BCO2: variants seen among roughly 807,000 people sequenced by gnomAD.
BCO2 encodes beta-carotene oxygenase 2.
Under a neutral mutation model 65.8 loss-of-function variants are expected in BCO2, and 56 were observed. The ratio of observed to expected loss-of-function variants is 0.85; its 90% CI spans 0.69 to 1.06. The LOEUF (loss-of-function observed/expected upper bound fraction) is 1.06. Ranked by LOEUF, BCO2 falls within the 50% of genes least tolerant of loss-of-function variation. BCO2 has a pLI of 0.00. For synonymous variants in BCO2, 233 were observed against 242.3 expected (o/e 0.96, Z 0.36); for missense variants, 675 against 698.5 (o/e 0.97, Z 0.38).
chr11:112,202,291 T>C (rs1592855879), intron 8 of BCO2, 101 bp downstream of exon 8: 5 of 1,116,988 alleles, frequency 4.5e-6, no homozygotes, highest in South Asian at 1.7e-5. Context: ...CTCTCTCTCT[T>C]TTTTCTTTTG....
rs572974875 is a variant in BCO2, at chr11:112,178,724, A to C, written c.89-554A>C. Among the ~76,000 whole-genome samples the C allele has an allele frequency of 2.6e-5, 4 of 152,360 alleles. No homozygotes were observed. In the South Asian group the frequency reaches 6.2e-4, roughly 24 times the overall value. ...TTAATTTTTGACACCCTTCTACTGG[A>C]AAATGCCTTGTATTTTCATGTATAT... On this transcript the variant is annotated intron_variant, in intron 1 of 11. Coordinates refer to ENST00000357685, the MANE Select transcript of BCO2 (RefSeq NM_031938.7).
intron 8 of BCO2, among the ~76,000 whole-genome samples, chr11:112,206,809 A>G (rs1453896943): frequency 6.6e-6 from 1 of 152,232 alleles, no homozygotes; most frequent in Non-Finnish European, 1.5e-5. Flanking sequence ...GACAATTGAC[A>G]TCTTTACAAT....
chr11:112,211,512 C>A (rs1859511657), intron 8 of BCO2, among the ~76,000 whole-genome samples: 1 of 151,956 alleles, frequency 6.6e-6, no homozygotes, highest in Admixed American at 6.6e-5. Context: ...TCATGTAATT[C>A]TGTGTTTAAC....
rs763054926 is a variant in BCO2, at chr11:112,217,740, A to G, written c.1627-21A>G. Reference sequence around the variant, plus strand: ...TTTGATGAAAAAAAGATAATTTTCAATATTGTCTTTTCTTTTCTAGAATGA... The same window carrying G: ...TTTGATGAAAAAAAGATAATTTTCAGTATTGTCTTTTCTTTTCTAGAATGA... On this transcript the variant is annotated intron_variant, in intron 11 of 11. Coordinates refer to ENST00000357685, the MANE Select transcript of BCO2 (RefSeq NM_031938.7). 5.8e-6 allele frequency: 9 copies of G among 1,550,170 alleles called. No homozygotes were observed. The South Asian group carries it at 1.0e-4, about 17-fold the overall frequency.
intron 8 of BCO2, among the ~76,000 whole-genome samples, chr11:112,207,879 A>G (rs1859390247): frequency 7.0e-6 from 1 of 143,002 alleles, no homozygotes; most frequent in Admixed American, 7.0e-5. Context: ...TGTTAGATTT[A>G]TTCCTAGGTT....
intron 2 of BCO2, among the ~76,000 whole-genome samples, chr11:112,182,418 A>G (rs2135349986): frequency 6.6e-6 from 1 of 152,330 alleles, no homozygotes. Context: ...TTATTGTGGC[A>G]CTATTCACAA....
At chr11:112,176,500 T>G in intron 1 of BCO2, 1 of 87,066 alleles carries the variant, frequency 1.1e-5, no homozygotes, top group Non-Finnish European at 2.0e-5. Flanking sequence ...ATATCCTAGA[T>G]GAAGAAAATT....
intron 2 of BCO2, chr11:112,182,939 A>G: frequency 7.9e-7 from 1 of 1,267,060 alleles, no homozygotes; most frequent in South Asian, 1.2e-5. Context: ...CCAATTTAGA[A>G]GGTGTTAATC....
chr11:112,196,265 T>C (rs866620819), intron 5 of BCO2, among the ~76,000 whole-genome samples: 25 of 152,200 alleles, frequency 1.6e-4, no homozygotes, highest in Non-Finnish European at 5.9e-5. Context: ...TTTTTTTTTT[T>C]TCTTCACTTG....
intron 8 of BCO2, among the ~76,000 whole-genome samples, chr11:112,209,726 A>G (rs570944250): frequency 1.3e-5 from 2 of 152,278 alleles, no homozygotes; most frequent in African/African-American, 4.8e-5. Context: ...AAGTACATTG[A>G]CTGATTCTTT....
At chr11:112,217,442 A>G (rs1173726137) in intron 11 of BCO2, among the ~76,000 whole-genome samples, 1 of 152,172 alleles carries the variant, frequency 6.6e-6, no homozygotes, top group Non-Finnish European at 1.5e-5. Flanking sequence ...AGCCCACTGC[A>G]ACCTCTGCCT....
rs1026378151 is a variant in BCO2, at chr11:112,183,301, T to TA, written c.293+3826dup. On this transcript the variant is annotated intron_variant, in intron 2 of 11. Transcript: ENST00000357685. ...AAGAAATAACACTATAAGGAAATTT[T>TA]AAAAAAACATTTAGAGGATTATGCT... The TA allele has an allele frequency of 4.7e-5, 30 of 637,990 alleles. 1 individual carries two copies. The highest frequency in any genetic ancestry group is 8.9e-4 in the Middle Eastern group (2 of 2,256). The allele number at this position is 637,990 out of a possible 1,614,324, so 39.5% of individuals were successfully genotyped here.
intron 2 of BCO2, chr11:112,182,742 T>A: frequency 3.7e-6 from 2 of 545,036 alleles, no homozygotes; most frequent in Non-Finnish European, 6.4e-6. Context: ...TTAGGAGATA[T>A]ACCTAATGTA....
intron 5 of BCO2, among the ~76,000 whole-genome samples, chr11:112,197,232 A>G (rs1378584378): frequency 6.6e-6 from 1 of 151,686 alleles, no homozygotes; most frequent in Non-Finnish European, 1.5e-5. Flanking sequence ...CTTTACATTT[A>G]TCTCTTACAT....
chr11:112,178,287 A>T (rs1050895872), intron 1 of BCO2, among the ~76,000 whole-genome samples: 2 of 152,144 alleles, frequency 1.3e-5, no homozygotes, highest in African/African-American at 4.8e-5. Context: ...TATTTGAAAA[A>T]TCAGTAAAGA....
At chr11:112,213,305 G>A (rs1014717504) in intron 8 of BCO2, among the ~76,000 whole-genome samples, 3 of 151,356 alleles carry the variant, frequency 2.0e-5, no homozygotes, top group African/African-American at 7.3e-5. Flanking sequence ...CACCATGCCC[G>A]GCTAATTTTG....
At chr11:112,190,355 A>G (rs934797820) in intron 2 of BCO2, among the ~76,000 whole-genome samples, 1 of 152,222 alleles carries the variant, frequency 6.6e-6, no homozygotes, top group African/African-American at 2.4e-5. Context: ...ACAGAATTCA[A>G]TACCACATTA....
chr11:112,175,986 GCTTTT>G, intron 1 of BCO2: 1 of 264,836 alleles, frequency 3.8e-6, no homozygotes, highest in Non-Finnish European at 7.2e-6. Flanking sequence ...CAATATTTAG[GCTTTT>G]CTAAATTGAA....
chr11:112,183,171 A>C, intron 2 of BCO2: 1 of 1,049,174 alleles, frequency 9.5e-7, no homozygotes, highest in Non-Finnish European at 1.5e-6. Flanking sequence ...ACCACTATAC[A>C]TGTCACAAAG....
Sources: allele counts gnomAD v4.1 joint callset (sites outside exome capture counted in the v4.1 genomes callset), GRCh38; gene constraint gnomAD v4.1.1; transcripts MANE v1.5; gene names NCBI Gene and HGNC (gene_info 2026-07-23, HGNC 2026-07-21).